The following PTPRT variants were observed in gnomAD, a reference collection of about 807,000 sequenced individuals.
PTPRT encodes protein tyrosine phosphatase receptor type T.
PTPRT carries 56 observed loss-of-function variants against 176.8 expected under a neutral mutation model. The observed-to-expected ratio is 0.32, with a 90% confidence interval of 0.26 to 0.40. The LOEUF (loss-of-function observed/expected upper bound fraction) is 0.40, where lower values mean the gene tolerates loss of function less well. PTPRT is among the 10% of genes least tolerant of loss of function. PTPRT has a pLI of 1.00. For synonymous variants in PTPRT, 783 were observed against 739.0 expected, an observed-to-expected ratio of 1.06 and a Z score of -0.96; for missense variants, 1,540 against 1,908.2, an observed-to-expected ratio of 0.81 and a Z score of 3.60.
At chr20:42,253,707 T>C (rs896257578) in intron 13 of PTPRT, among the ~76,000 whole-genome samples, 3 of 152,164 alleles carry the variant, frequency 2.0e-5, no homozygotes, top group African/African-American at 7.2e-5. Context: ...CTGTGTGATG[T>C]GATAACCAAA....
At chr20:42,431,223 G>C (rs922864211) in intron 9 of PTPRT, among the ~76,000 whole-genome samples, 6 of 152,086 alleles carry the variant, frequency 3.9e-5, no homozygotes, top group Non-Finnish European at 8.8e-5. Flanking sequence ...AATTTCAGAG[G>C]TTAATTTGCC....
intron 2 of PTPRT, among the ~76,000 whole-genome samples, chr20:42,833,907 T>C (rs1195158682): frequency 1.3e-5 from 2 of 152,080 alleles, no homozygotes; most frequent in Non-Finnish European, 2.9e-5. Flanking sequence ...ATGTAAAATA[T>C]AAAATCAAAA....
chr20:42,784,227 C>T (rs533541066), intron 3 of PTPRT, among the ~76,000 whole-genome samples: 1 of 152,262 alleles, frequency 6.6e-6, no homozygotes, highest in African/African-American at 2.4e-5. Context: ...GGTTTTTGTT[C>T]ATACTTGGAG....
intron 9 of PTPRT, among the ~76,000 whole-genome samples, chr20:42,440,769 G>A (rs1047969580): frequency 6.6e-6 from 1 of 152,222 alleles, no homozygotes; most frequent in African/African-American, 2.4e-5. Flanking sequence ...GAGCCACCAT[G>A]CCCGGCCTGT....
At chr20:42,184,126 T>C (rs1357697945) in intron 16 of PTPRT, among the ~76,000 whole-genome samples, 1 of 152,138 alleles carries the variant, frequency 6.6e-6, no homozygotes, top group African/African-American at 2.4e-5. Context: ...CACAGTCATC[T>C]CCAGCCATTC....
intron 7 of PTPRT, among the ~76,000 whole-genome samples, chr20:42,619,626 G>A (rs1162083852): frequency 7.4e-6 from 1 of 134,494 alleles, no homozygotes; most frequent in Non-Finnish European, 1.5e-5. Context: ...ATTTCTTGGA[G>A]GCTTTGCTCA....
intron 7 of PTPRT, among the ~76,000 whole-genome samples, chr20:42,583,711 A>G (rs2073420035): frequency 6.6e-6 from 1 of 152,296 alleles, no homozygotes; most frequent in Non-Finnish European, 1.5e-5. Flanking sequence ...TACATTCACA[A>G]ATATTCTATT....
At chr20:42,086,600 T>C (rs544048188) in intron 27 of PTPRT, among the ~76,000 whole-genome samples, 23 of 150,670 alleles carry the variant, frequency 1.5e-4, no homozygotes, top group African/African-American at 4.9e-4. Flanking sequence ...AAAACCTTCA[T>C]AGTGTTCATT....
intron 2 of PTPRT, among the ~76,000 whole-genome samples, chr20:42,825,834 C>T (rs1055594554): frequency 6.6e-6 from 1 of 151,972 alleles, no homozygotes; most frequent in African/African-American, 2.4e-5. Context: ...AACTGAAGCC[C>T]GTATGTCCAT....
chr20:42,183,286 A>G lies in PTPRT; in HGVS notation c.2491+15954T>C, dbSNP rs1652299550. Among the ~76,000 whole-genome samples, 3 of 152,186 alleles carry G rather than the reference A, an allele frequency of 2.0e-5. No individual in the cohort carries two copies. In the South Asian group the frequency reaches 6.2e-4, roughly 32 times the overall value. ...CAATCCACTTATAATTTTAAGTGCA[A>G]CATAAGGAAGGGTCTTCCTGGGAAC... On this transcript the variant is annotated intron_variant, in intron 16 of 30. Coordinates refer to ENST00000373187, the MANE Select transcript of PTPRT (RefSeq NM_007050.6).
the PTPRT span, among the ~76,000 whole-genome samples, chr20:42,034,651 C>T: frequency 5.3e-5 from 8 of 152,120 alleles, no homozygotes; most frequent in African/African-American, 1.9e-4. Context: ...GGGGGTTAAG[C>T]ACAATGACCT....
At chr20:42,163,897 C>T (rs1989715736) in intron 16 of PTPRT, among the ~76,000 whole-genome samples, 1 of 152,188 alleles carries the variant, frequency 6.6e-6, no homozygotes, top group African/African-American at 2.4e-5. Context: ...GTAGGTGTCC[C>T]AGCTGTCATG....
At chr20:42,428,810 C>A in intron 9 of PTPRT, among the ~76,000 whole-genome samples, 1 of 152,172 alleles carries the variant, frequency 6.6e-6, no homozygotes, top group Non-Finnish European at 1.5e-5. Flanking sequence ...CAGGGCACCC[C>A]TCCTCAAGGA....
At chr20:42,493,798 G>C (rs2071602361) in intron 7 of PTPRT, among the ~76,000 whole-genome samples, 1 of 151,512 alleles carries the variant, frequency 6.6e-6, no homozygotes, top group Non-Finnish European at 1.5e-5. Flanking sequence ...TGATTGAAAT[G>C]TTCCTTTCAA....
intron 6 of PTPRT, 22 bp from the exon 7 acceptor site, chr20:42,678,181 A>G (rs761645014): frequency 3.1e-6 from 5 of 1,601,396 alleles, no homozygotes; most frequent in Non-Finnish European, 4.3e-6. Flanking sequence ...GCAATCAAAA[A>G]GGACTGTCAG....
At chr20:42,243,496 C>T (rs546594692) in intron 14 of PTPRT, among the ~76,000 whole-genome samples, 25 of 152,062 alleles carry the variant, frequency 1.6e-4, no homozygotes, top group Non-Finnish European at 3.5e-4. Flanking sequence ...GGGAGTCCTA[C>T]TAGGAAGAAC....
chr20:43,154,109 T>C (rs1425166276), intron 1 of PTPRT, among the ~76,000 whole-genome samples: 1 of 152,230 alleles, frequency 6.6e-6, no homozygotes, highest in African/African-American at 2.4e-5. Flanking sequence ...TAATTCCCCA[T>C]AAAAGCATAA....
rs982084628 is a variant in PTPRT at position 43,189,856 on chromosome 20, G to T, written c.-123C>A. On this transcript the variant is annotated 5_prime_UTR_variant, in exon 1 of 31. Transcript: ENST00000373187. This position sits in a 1 kb window ranked among gnomAD's most constrained non-coding sequence, Gnocchi z 5.0. ...CTGTGCGCGCGGCTGGCTCCGCTCG[G>T]GCTCCCGGAGCCGGCGCTCCTGCGT... The T allele has an allele frequency of 3.1e-6, 1 of 322,624 alleles. No homozygotes were observed. Among genetic ancestry groups the T allele is most frequent in the African/African-American group, 2.3e-5 (1 of 44,160 alleles). The allele number at this position is 322,624 out of a possible 1,614,324, so 20.0% of individuals were successfully genotyped here.
chr20:42,135,842 G>C (rs954098751), intron 18 of PTPRT, among the ~76,000 whole-genome samples: 3 of 152,108 alleles, frequency 2.0e-5, no homozygotes, highest in East Asian at 3.9e-4. Context: ...ATAGGGATGA[G>C]GGCTTCTTTA....
Sources: gnomAD v4.1 joint callset for allele counts (sites outside exome capture counted in the v4.1 genomes callset) on GRCh38, gnomAD v4.1.1 for gene constraint, Gnocchi (gnomAD v3.1) non-coding constraint, MANE v1.5 for transcripts, NCBI Gene and HGNC (gene_info 2026-07-23, HGNC 2026-07-21) for gene names.